The following TRAPPC9 variants were observed in gnomAD, a reference collection of about 807,000 sequenced individuals.
TRAPPC9 encodes the protein IKK2 binding protein.
TRAPPC9 carries 83 observed loss-of-function variants against 124.0 expected under a neutral mutation model. That is an observed-to-expected ratio of 0.67 (90% confidence interval 0.56 to 0.80). TRAPPC9 has a LOEUF of 0.80. Ranked by LOEUF, TRAPPC9 falls within the 30% of genes least tolerant of loss-of-function variation. TRAPPC9 has a pLI of 0.00. For missense variants in TRAPPC9, 1,302 were observed against 1,508.3 expected, an observed-to-expected ratio of 0.86 and a Z score of 2.27; for synonymous variants, 638 against 617.5, an observed-to-expected ratio of 1.03 and a Z score of -0.49.
chr8:140,183,946 G>T (rs2062282364), intron 17 of TRAPPC9, among the ~76,000 whole-genome samples: 1 of 48,870 alleles, frequency 2.0e-5, no homozygotes, highest in African/African-American at 5.8e-5. Context: ...GGAGAGGAGA[G>T]GAGAGGGGAG....
At chr8:140,180,844 T>C (rs1587868139) in intron 17 of TRAPPC9, among the ~76,000 whole-genome samples, 1 of 152,190 alleles carries the variant, frequency 6.6e-6, no homozygotes, top group African/African-American at 2.4e-5. Flanking sequence ...TTCAGTAATT[T>C]GATTAACTTA....
intron 21 of TRAPPC9, among the ~76,000 whole-genome samples, chr8:139,741,276 G>A (rs752824884): frequency 1.3e-5 from 2 of 152,196 alleles, no homozygotes; most frequent in African/African-American, 2.4e-5. Context: ...TTGAGCACTC[G>A]CTGTCTTCCA....
intron 21 of TRAPPC9, among the ~76,000 whole-genome samples, chr8:139,774,553 G>A (rs569408125): frequency 2.6e-5 from 4 of 152,144 alleles, no homozygotes; most frequent in African/African-American, 4.8e-5. Context: ...GACCGCCAGC[G>A]ACAGCAGCTG....
intron 17 of TRAPPC9, among the ~76,000 whole-genome samples, chr8:140,108,489 C>T (rs1332584391): frequency 6.6e-6 from 1 of 152,234 alleles, no homozygotes; most frequent in Non-Finnish European, 1.5e-5. Context: ...GACTTTACAG[C>T]ATTTTGGTAG....
rs546700554 is a variant in TRAPPC9, at chr8:139,841,718, G to T, written c.3055+44161C>A. On this transcript the variant is annotated intron_variant, in intron 21 of 22. Coordinates refer to ENST00000438773, the MANE Select transcript of TRAPPC9 (RefSeq NM_001160372.4). Reference sequence around the variant, plus strand: ...CCCACAGTGCTCACAGTAGGGAGCCGATGGGAGGCACCCCCATGCTGGGCC... The same window carrying T: ...CCCACAGTGCTCACAGTAGGGAGCCTATGGGAGGCACCCCCATGCTGGGCC... Among the ~76,000 whole-genome samples the T allele has an allele frequency of 1.7e-3, 256 of 152,266 alleles. 1 individual carries two copies. Among genetic ancestry groups the T allele is most frequent in the African/African-American group, 6.0e-3 (251 of 41,552 alleles).
At chr8:139,738,820 G>A (rs1370882564) in intron 21 of TRAPPC9, among the ~76,000 whole-genome samples, 1 of 151,888 alleles carries the variant, frequency 6.6e-6, no homozygotes, top group African/African-American at 2.4e-5. Flanking sequence ...CAGCCTGGGC[G>A]CAGAGCTGGT....
chr8:140,365,646 G>A (rs563437751), intron 8 of TRAPPC9, among the ~76,000 whole-genome samples: 1 of 152,338 alleles, frequency 6.6e-6, no homozygotes, highest in East Asian at 1.9e-4. Flanking sequence ...GCAACTGCAC[G>A]GCGACCCTGC....
chr8:139,796,936 T>A (rs1451021206), intron 21 of TRAPPC9, among the ~76,000 whole-genome samples: 1 of 152,254 alleles, frequency 6.6e-6, no homozygotes, highest in Non-Finnish European at 1.5e-5. Context: ...ATTCTAGCCA[T>A]CCTAGCTGGT....
intron 17 of TRAPPC9, among the ~76,000 whole-genome samples, chr8:140,199,300 G>C (rs2062735291): frequency 6.6e-6 from 1 of 152,140 alleles, no homozygotes; most frequent in Admixed American, 6.5e-5. Context: ...ACCACACTGT[G>C]AGTAGCAAGA....
chr8:140,188,025 C>G (rs929148937), intron 17 of TRAPPC9, among the ~76,000 whole-genome samples: 1 of 152,200 alleles, frequency 6.6e-6, no homozygotes, highest in Non-Finnish European at 1.5e-5. Flanking sequence ...CTGGGCTCAT[C>G]TGGCTCTTCT....
chr8:140,448,999 C>T (rs2071365129), intron 2 of TRAPPC9, among the ~76,000 whole-genome samples: 1 of 152,140 alleles, frequency 6.6e-6, no homozygotes, highest in Non-Finnish European at 1.5e-5. Flanking sequence ...CTTTTCCTTT[C>T]CTTAAGCCAA....
At chr8:140,299,483 G>T (rs982076390) in intron 11 of TRAPPC9, among the ~76,000 whole-genome samples, 4 of 152,202 alleles carry the variant, frequency 2.6e-5, no homozygotes, top group Non-Finnish European at 5.9e-5. Context: ...GGAGAAGAAA[G>T]CACTGGATAT....
At chr8:139,762,477 GAGCCC>G (rs1225024212) in intron 21 of TRAPPC9, among the ~76,000 whole-genome samples, 1 of 152,146 alleles carries the variant, frequency 6.6e-6, no homozygotes, top group African/African-American at 2.4e-5. Flanking sequence ...CCGTGTGGTG[GAGCCC>G]ATTGCTTCTA....
chr8:139,812,597 C>T (rs370980702), intron 21 of TRAPPC9, among the ~76,000 whole-genome samples: 31 of 152,248 alleles, frequency 2.0e-4, no homozygotes, highest in African/African-American at 7.0e-4. Flanking sequence ...CTTTTTAAGT[C>T]ACATGTATAT....
intron 10 of TRAPPC9, among the ~76,000 whole-genome samples, chr8:140,301,381 C>T (rs577429196): frequency 1.3e-5 from 2 of 152,346 alleles, no homozygotes; most frequent in East Asian, 3.9e-4. Context: ...CTCACTTAAA[C>T]ATCACAAACA....
At chr8:140,436,212 A>C (rs1242173835) in intron 3 of TRAPPC9, among the ~76,000 whole-genome samples, 1 of 152,004 alleles carries the variant, frequency 6.6e-6, no homozygotes, top group African/African-American at 2.4e-5. Flanking sequence ...CAGGCATGAT[A>C]AAACACACCT....
intron 17 of TRAPPC9, among the ~76,000 whole-genome samples, chr8:140,207,225 G>A (rs910333392): frequency 1.4e-4 from 22 of 152,272 alleles, no homozygotes; most frequent in Admixed American, 4.6e-4. Context: ...CTAACAAAGC[G>A]GGTAAAAAGC....
intron 17 of TRAPPC9, among the ~76,000 whole-genome samples, chr8:140,190,470 A>G (rs2062466073): frequency 6.6e-6 from 1 of 152,072 alleles, no homozygotes; most frequent in Middle Eastern, 3.2e-3. Flanking sequence ...AAGAGCAGCA[A>G]CAACAACAAC....
At chr8:139,745,319 A>G (rs1818817548) in intron 21 of TRAPPC9, among the ~76,000 whole-genome samples, 1 of 152,158 alleles carries the variant, frequency 6.6e-6, no homozygotes, top group African/African-American at 2.4e-5. Context: ...TTCCTTGTCT[A>G]AAAAAGGGAA....
Sources: allele counts gnomAD v4.1 joint callset (sites outside exome capture counted in the v4.1 genomes callset), GRCh38; gene constraint gnomAD v4.1.1; transcripts MANE v1.5; gene names NCBI Gene and HGNC (gene_info 2026-07-23, HGNC 2026-07-21).